Variants in RIMS3 observed in about 807,000 individuals in gnomAD.
The protein encoded by RIMS3 is regulating synaptic membrane exocytosis protein 3.
A neutral mutation model predicts 29.2 loss-of-function variants in RIMS3; 15 were observed. That is an observed-to-expected ratio of 0.51 (90% CI 0.34 to 0.79). The LOEUF (loss-of-function observed/expected upper bound fraction) is 0.79. Among genes scored for constraint, RIMS3 ranks in the 30% least tolerant of loss-of-function variants. RIMS3 has a pLI of 0.01. For synonymous variants in RIMS3, 161 were observed against 170.1 expected, an observed-to-expected ratio of 0.95 and a Z score of 0.41; for missense variants, 342 against 421.4, an observed-to-expected ratio of 0.81 and a Z score of 1.65.
intron 7 of RIMS3, among the ~76,000 whole-genome samples, chr1:40,626,956 TA>T (rs1454062892): frequency 6.6e-6 from 1 of 152,190 alleles, no homozygotes; most frequent in African/African-American, 2.4e-5. Flanking sequence ...GCCATGTAGG[TA>T]GGGGTGCTCT....
At chr1:40,681,987 C>T in the RIMS3 span, among the ~76,000 whole-genome samples, 1 of 152,148 alleles carries the variant, frequency 6.6e-6, no homozygotes, top group Non-Finnish European at 1.5e-5. Context: ...GTGCCCACCA[C>T]CCCACCCAGC....
At chr1:40,651,032 G>A (rs896764556) in intron 1 of RIMS3, among the ~76,000 whole-genome samples, 9 of 152,028 alleles carry the variant, frequency 5.9e-5, no homozygotes, top group African/African-American at 2.2e-4. Context: ...AAGTTTGAAG[G>A]TCATTTCCTA....
At chr1:40,652,614 G>A (rs1278040997) in intron 1 of RIMS3, among the ~76,000 whole-genome samples, 1 of 152,200 alleles carries the variant, frequency 6.6e-6, no homozygotes, top group Non-Finnish European at 1.5e-5. Flanking sequence ...AGAGGCTGGC[G>A]AACACAGCAG....
intron 5 of RIMS3, among the ~76,000 whole-genome samples, 185 bp from the exon 6 acceptor site, chr1:40,629,557 G>C (rs1417531337): frequency 1.3e-5 from 2 of 152,174 alleles, no homozygotes; most frequent in African/African-American, 4.8e-5. Context: ...GGGACCCTTT[G>C]ATAGGTCCCT....
chr1:40,667,458 C>T (rs1447911671), upstream of RIMS3, among the ~76,000 whole-genome samples: 3 of 152,130 alleles, frequency 2.0e-5, no homozygotes. Flanking sequence ...GCCCCTTTCA[C>T]AGAGACAGGT....
intron 3 of RIMS3, among the ~76,000 whole-genome samples, chr1:40,640,520 C>T (rs907725030): frequency 1.5e-4 from 23 of 152,212 alleles, no homozygotes; most frequent in Non-Finnish European, 2.9e-5. Context: ...CTGGATCCTC[C>T]GGAGCCCCCG....
chr1:40,641,293 T>C (rs12121070), intron 3 of RIMS3, among the ~76,000 whole-genome samples: 34 of 152,310 alleles, frequency 2.2e-4, no homozygotes, highest in Non-Finnish European at 4.4e-4. Context: ...ATCTTATGGA[T>C]GTGTATGTCT....
chr1:40,626,464 G>A lies in RIMS3; in HGVS notation c.*53C>T. On this transcript the variant is annotated 3_prime_UTR_variant, in exon 8 of 8. Coordinates refer to ENST00000372684, the MANE Select transcript of RIMS3 (RefSeq NM_014747.3). ...AAGACTATGTACAGGGGAGGACATGGGGCCAGCAGGCACCCCTCCCCACAC... is the reference window on the plus strand; with the variant it reads ...AAGACTATGTACAGGGGAGGACATGAGGCCAGCAGGCACCCCTCCCCACAC... 1 of 1,470,366 alleles carries A rather than the reference G, an allele frequency of 6.8e-7. No individual in the cohort carries two copies. The highest frequency in any genetic ancestry group is 9.3e-7 in the Non-Finnish European group (1 of 1,072,176). The allele number at this position is 1,470,366 out of a possible 1,614,324, so 91.1% of individuals were successfully genotyped here. A position where few individuals can be genotyped will look rare whatever the true frequency, so the allele number is the denominator to read the frequency against.
At chr1:40,678,406 T>TCAAA in the RIMS3 span, among the ~76,000 whole-genome samples, 3 of 152,154 alleles carry the variant, frequency 2.0e-5, no homozygotes, top group Non-Finnish European at 4.4e-5. Context: ...AGACTCCATC[T>TCAAA]CAAACAAACA....
chr1:40,661,251 G>A lies in RIMS3; in HGVS notation c.-207+4143C>T, dbSNP rs186849783. Among the ~76,000 whole-genome samples, 24 of 152,158 alleles carry A rather than the reference G, an allele frequency of 1.6e-4. No homozygotes were observed. In the East Asian group the frequency reaches 1.7e-3, roughly 11 times the overall value. ...CTGTTTAAAGATGAGCATGTAAAGCGATGGGCAGAGAACTAGCACACAGTA... is the reference window on the plus strand; with the variant it reads ...CTGTTTAAAGATGAGCATGTAAAGCAATGGGCAGAGAACTAGCACACAGTA... On this transcript the variant is annotated intron_variant, in intron 1 of 7. Coordinates refer to ENST00000372684, the MANE Select transcript of RIMS3 (RefSeq NM_014747.3).
chr1:40,680,668 C>T, the RIMS3 span, among the ~76,000 whole-genome samples: 1 of 152,108 alleles, frequency 6.6e-6, no homozygotes, highest in Admixed American at 6.6e-5. Flanking sequence ...GTACACATGT[C>T]TATGTGTATA....
intron 5 of RIMS3, among the ~76,000 whole-genome samples, chr1:40,631,042 A>G (rs1021492823): frequency 2.0e-5 from 3 of 152,176 alleles, no homozygotes; most frequent in African/African-American, 7.2e-5. Context: ...ACAGCAGGAC[A>G]CTGCACTTGG....
chr1:40,633,291 G>T, intron 4 of RIMS3, 110 bp from the exon 5 acceptor site: 1 of 751,450 alleles, frequency 1.3e-6, no homozygotes. Flanking sequence ...ACGTCCCTCT[G>T]TGCCTCAGTT....
At chr1:40,691,710 G>C in the RIMS3 span, 1 of 453,802 alleles carries the variant, frequency 2.2e-6, no homozygotes, top group Non-Finnish European at 4.4e-6. Context: ...CGGTGCAAAC[G>C]GCGTGGCCGC....
chr1:40,653,112 T>C (rs1340949363), intron 1 of RIMS3, among the ~76,000 whole-genome samples: 1 of 152,162 alleles, frequency 6.6e-6, no homozygotes, highest in Non-Finnish European at 1.5e-5. Context: ...GGGTCTGAGA[T>C]AATGCTGCAA....
intron 5 of RIMS3, among the ~76,000 whole-genome samples, chr1:40,631,947 G>A (rs1182274020): frequency 6.6e-6 from 1 of 152,178 alleles, no homozygotes; most frequent in Non-Finnish European, 1.5e-5. Context: ...GTGCACTCCA[G>A]CCTGGGCAAC....
intron 2 of RIMS3, among the ~76,000 whole-genome samples, chr1:40,643,381 C>T (rs973422094): frequency 6.6e-6 from 1 of 152,076 alleles, no homozygotes; most frequent in Non-Finnish European, 1.5e-5. Context: ...AATCTGCCTG[C>T]CACAGCCTTT....
chr1:40,652,113 C>T (rs1371493252), intron 1 of RIMS3, among the ~76,000 whole-genome samples: 3 of 152,186 alleles, frequency 2.0e-5, no homozygotes, highest in Non-Finnish European at 2.9e-5. Flanking sequence ...CCACCATTCG[C>T]CTCTCCCTTG....
Position 40,621,949 on chromosome 1 carries a change from G to C in RIMS3, c.*4568C>G, listed in dbSNP as rs1434461558. On this transcript the variant is annotated 3_prime_UTR_variant, in exon 8 of 8. Coordinates refer to ENST00000372684, the MANE Select transcript of RIMS3 (RefSeq NM_014747.3). The stretch of plus-strand genomic sequence containing the variant: ...CAGAAACACTCATGCTTTTCAACAA[G>C]CACCTGCCCCAAGCCAATCTAGGCC... 6.6e-6 allele frequency: 1 copy of C among 152,580 alleles called. No homozygotes were observed. The highest frequency in any genetic ancestry group is 2.4e-5 in the African/African-American group (1 of 41,416). 9.5% of individuals were successfully genotyped at this position (152,580 alleles called of 1,614,324 possible).
Sources: allele counts gnomAD v4.1 joint callset (sites outside exome capture counted in the v4.1 genomes callset), GRCh38; gene constraint gnomAD v4.1.1; transcripts MANE v1.5; gene names NCBI Gene and HGNC (gene_info 2026-07-23, HGNC 2026-07-21).